The following CARD10 variants were observed in gnomAD, a reference collection of about 807,000 sequenced individuals.
The protein encoded by CARD10 is caspase recruitment domain family member 10.
CARD10 carries 49 observed loss-of-function variants against 114.6 expected under a neutral mutation model. The observed-to-expected ratio is 0.43, with a 90% CI of 0.34 to 0.54. CARD10 has a LOEUF of 0.54. CARD10 is among the 20% of genes least tolerant of loss of function. The pLI, the probability that CARD10 is intolerant of heterozygous loss-of-function variation, is 0.03. For synonymous variants in CARD10, 602 were observed against 593.2 expected, an observed-to-expected ratio of 1.01 and a Z score of -0.21; for missense variants, 1,206 against 1,397.2, an observed-to-expected ratio of 0.86 and a Z score of 2.18.
intron 18 of CARD10, 110 bp from the exon 19 acceptor site, chr22:37,491,977 C>T: frequency 2.8e-6 from 2 of 725,496 alleles, no homozygotes; most frequent in Non-Finnish European, 4.8e-6. Flanking sequence ...GCAAGTCCTG[C>T]CTCCCCACCC....
intron 5 of CARD10, among the ~76,000 whole-genome samples, chr22:37,508,278 G>A (rs1449994936): frequency 1.3e-5 from 2 of 152,180 alleles, no homozygotes; most frequent in Non-Finnish European, 2.9e-5. Context: ...AATAGCTGAC[G>A]TGGGACTGTG....
rs1250744962 is a variant in CARD10 at position 37,504,198 on chromosome 22, G to T, written c.1622C>A (p.Ala541Glu). 2 of 1,561,828 alleles carry T rather than the reference G, an allele frequency of 1.3e-6. No homozygotes were observed. Among genetic ancestry groups the T allele is most frequent in the South Asian group, 1.2e-5 (1 of 84,812 alleles). The change falls in exon 9 of 20, where the codon GCA (alanine) becomes GAA (glutamate). Residue 541 changes from alanine (A) to glutamate (E), a missense_variant. By Grantham distance (107) the Ala-to-Glu change is moderately radical. Around this residue, in one of 2 missense-constraint regions of CARD10, gnomAD observed 1,068 missense variants for 1,179.1 expected, o/e 0.91. Transcript: ENST00000251973. ...ILRRQREEDP[A>E]PPKRSFSSMS... ...CCAGCCATCTCACCTCTTAGGGGGT[G>T]CGGGGTCTTCCTCACGCTGCCGGCG... is the stretch of plus-strand genomic sequence containing the variant.
chr22:37,508,858 G>T, intron 4 of CARD10, 176 bp from the exon 5 acceptor site: 1 of 1,186,052 alleles, frequency 8.4e-7, no homozygotes, highest in Non-Finnish European at 1.2e-6. Flanking sequence ...GAGTGGGTGT[G>T]GCCCCACAAG....
chr22:37,492,891 A>G lies in CARD10; in HGVS notation c.2477-89T>C. On this transcript the variant is annotated intron_variant, in intron 16 of 19. Coordinates refer to ENST00000251973, the MANE Select transcript of CARD10 (RefSeq NM_014550.4). The surrounding 1 kb of genome is among the most constrained non-coding windows in gnomAD (Gnocchi z 5.7). The stretch of plus-strand genomic sequence containing the variant: ...TACCCCAAAACCCACCCCGCCACCC[A>G]TCCCTTCCTAAGTCCTGCTGCTGCT... The G allele has an allele frequency of 7.3e-7, 1 of 1,378,330 alleles. No homozygotes were observed. Among genetic ancestry groups the G allele is most frequent in the South Asian group, 1.4e-5 (1 of 73,864 alleles). 85.4% of individuals were successfully genotyped at this position (1,378,330 alleles called of 1,614,324 possible).
intron 7 of CARD10, 70 bp from the exon 8 acceptor site, chr22:37,504,839 G>T: frequency 1.1e-6 from 1 of 914,680 alleles, no homozygotes; most frequent in Non-Finnish European, 1.5e-6. Context: ...CCTTTACTGA[G>T]CACCTGCCAT....
chr22:37,504,012 G>A (rs536343088), intron 9 of CARD10, 174 bp downstream of exon 9: 1 of 715,908 alleles, frequency 1.4e-6, no homozygotes, highest in African/African-American at 1.7e-5. Context: ...GCCTGACCTT[G>A]GTCGCCCCTG....
chr22:37,506,208 C>T lies in CARD10; in HGVS notation c.1367G>A (p.Gly456Asp), dbSNP rs760133266. ...CCCGCTCACCTTGAGGCAGGTGCCACCCTGGGCCCGCTGCAGCTGAACCTC... is the reference window on the plus strand; with the variant it reads ...CCCGCTCACCTTGAGGCAGGTGCCATCCTGGGCCCGCTGCAGCTGAACCTC... ...LLEVQLQRAQ[G>D]GTCLKACASS... Residue 456 changes from glycine to aspartate, a missense_variant, in exon 7 of 20, where the codon GGT becomes GAT. Transcript: ENST00000251973. 6.3e-6 allele frequency: 10 copies of T among 1,580,782 alleles called. No individual in the cohort carries two copies. The highest frequency in any genetic ancestry group is 8.6e-6 in the Non-Finnish European group (10 of 1,161,180).
At chr22:37,514,094 A>G (rs368533113) in intron 3 of CARD10, among the ~76,000 whole-genome samples, 62 of 92,904 alleles carry the variant, frequency 6.7e-4, no homozygotes, top group African/African-American at 2.6e-3. Flanking sequence ...ACAAAGCAAG[A>G]CTCCATCTCA....
chr22:37,496,469 G>A lies in CARD10; in HGVS notation c.2039C>T (p.Pro680Leu). The change falls in exon 13 of 20, where the codon CCC becomes CTC. Residue 680 changes from proline to leucine, a missense_variant. Transcript: ENST00000251973. This position sits in a 1 kb window ranked among gnomAD's most constrained non-coding sequence, Gnocchi z 4.1. Reference sequence around the variant, plus strand: ...CTTACCCTTCGAGTCCATCAGGGAGGGGAGTGTGGACCCCTGATTCCAGAG... The same window carrying A: ...CTTACCCTTCGAGTCCATCAGGGAGAGGAGTGTGGACCCCTGATTCCAGAG... ...TLLWNQGSTL[P>L]SLMDSKACQS... 6.2e-7 allele frequency: 1 copy of A among 1,612,974 alleles called. No individual in the cohort carries two copies. Among genetic ancestry groups the A allele is most frequent in the East Asian group, 2.2e-5 (1 of 44,856 alleles).
chr22:37,494,955 GGTTT>G (rs1485703105), intron 15 of CARD10, among the ~76,000 whole-genome samples: 3 of 151,398 alleles, frequency 2.0e-5, no homozygotes, highest in Admixed American at 1.3e-4. Flanking sequence ...CATGACTGCT[GGTTT>G]GTTTTTTTTG....
At position 37,495,592 on chromosome 22, in the gene CARD10, G is replaced by A. The variant is rs775092556; in HGVS notation, c.2304-6C>T. ...CTTCTAGGAGCTGCTGGGCTCTGTG[G>A]GAGGGAGTGACATCATGTGTGTAGA... On this transcript the variant is annotated splice_region_variant and splice_polypyrimidine_tract_variant and intron_variant, in intron 14 of 19. Coordinates refer to ENST00000251973, the MANE Select transcript of CARD10 (RefSeq NM_014550.4). 2 of 1,613,520 alleles carry A rather than the reference G, an allele frequency of 1.2e-6. No homozygotes were observed. Among genetic ancestry groups the A allele is most frequent in the South Asian group, 1.1e-5 (1 of 90,916 alleles).
chr22:37,492,614 CA>C lies in CARD10; in HGVS notation c.2635+29del, dbSNP rs768464083. 3.7e-6 allele frequency: 6 copies of C among 1,610,278 alleles called. No individual in the cohort carries two copies. In the South Asian group the frequency reaches 5.5e-5, roughly 15 times the overall value. ...GGGCCCGGCTGCCCAGAGGGGCACCCAGCCTCCCCTCCCCGGCACATAGTCT... is the reference window on the plus strand; with the variant it reads ...GGGCCCGGCTGCCCAGAGGGGCACCCGCCTCCCCTCCCCGGCACATAGTCT... On this transcript the variant is annotated intron_variant, in intron 17 of 19. Transcript: ENST00000251973. This position sits in a 1 kb window ranked among gnomAD's most constrained non-coding sequence, Gnocchi z 5.7.
Position 37,491,372 on chromosome 22 carries a change from GC to G in CARD10, c.2885del (p.Gly962AlafsTer102), listed in dbSNP as rs1185316147. 6.7e-7 allele frequency: 1 copy of G among 1,503,052 alleles called. No individual in the cohort carries two copies. The highest frequency in any genetic ancestry group is 1.4e-5 in the African/African-American group (1 of 72,124). 93.1% of individuals were successfully genotyped at this position (1,503,052 alleles called of 1,614,324 possible). ...REVRGLLGRP[G>X]WRDSELLRQC... ...GCCGCAGCAGCTCTGAGTCCCGCCAGCCCGGCCGGCCCAGCAGACCCCTGCC... is the reference window on the plus strand; with the variant it reads ...GCCGCAGCAGCTCTGAGTCCCGCCAGCCGGCCGGCCCAGCAGACCCCTGCC... On this transcript the variant is annotated frameshift_variant, in exon 20 of 20. Coordinates refer to ENST00000251973, the MANE Select transcript of CARD10 (RefSeq NM_014550.4). LOFTEE classifies it high-confidence loss of function.
intron 18 of CARD10, 72 bp from the exon 19 acceptor site, chr22:37,491,939 C>A: frequency 9.7e-7 from 1 of 1,032,494 alleles, no homozygotes; most frequent in Non-Finnish European, 1.5e-6. Context: ...TGCCCCCAGA[C>A]GGGTCCCCTA....
At chr22:37,505,271 G>A (rs1316485185) in intron 7 of CARD10, among the ~76,000 whole-genome samples, 1 of 151,792 alleles carries the variant, frequency 6.6e-6, no homozygotes, top group Non-Finnish European at 1.5e-5. Flanking sequence ...AAGCCACTGG[G>A]GGTTAAAAAA....
intron 3 of CARD10, among the ~76,000 whole-genome samples, chr22:37,514,998 G>C (rs568979462): frequency 6.6e-6 from 1 of 152,234 alleles, no homozygotes; most frequent in African/African-American, 2.4e-5. Context: ...GAACAGCAGC[G>C]TGGGAAGGGG....
intron 4 of CARD10, among the ~76,000 whole-genome samples, chr22:37,509,882 C>G (rs2009630): frequency 7.0e-5 from 2 of 28,528 alleles, no homozygotes; most frequent in South Asian, 1.2e-3. Flanking sequence ...GACCACCCCC[C>G]ACCCCCGTGC....
chr22:37,503,918 T>C (rs3817799), intron 9 of CARD10: 71,448 of 624,856 alleles, frequency 0.11, 4,958 homozygotes, highest in East Asian at 0.26. Flanking sequence ...GGGTATAGGA[T>C]CTTCAAGGCT....
intron 11 of CARD10, 27 bp from the exon 12 acceptor site, chr22:37,497,205 T>C (rs374310347): frequency 6.4e-5 from 102 of 1,598,002 alleles, no homozygotes; most frequent in Non-Finnish European, 8.0e-5. Context: ...GAGATGAGAA[T>C]TGGAGTCCAA....
Sources: allele counts gnomAD v4.1 joint callset (sites outside exome capture counted in the v4.1 genomes callset), GRCh38; gene constraint gnomAD v4.1.1; regional missense constraint gnomAD v4.1.1; non-coding constraint Gnocchi (gnomAD v3.1); transcripts MANE v1.5; gene names NCBI Gene and HGNC (gene_info 2026-07-23, HGNC 2026-07-21).